TPD52L1: variants seen among roughly 807,000 people sequenced by gnomAD.
TPD52L1 encodes the protein tumor protein D53.
Under a neutral mutation model 28.7 loss-of-function variants are expected in TPD52L1, and 18 were observed. That is an observed-to-expected ratio of 0.63 (90% CI 0.43 to 0.93). TPD52L1 has a LOEUF of 0.93. Ranked by LOEUF, TPD52L1 falls within the 40% of genes least tolerant of loss-of-function variation. The pLI is 0.00. For missense variants in TPD52L1, 203 were observed against 254.8 expected (o/e 0.80, Z 1.39); for synonymous variants, 75 against 88.8 (o/e 0.84, Z 0.88).
rs1338772658 is a variant in TPD52L1, at chr6:125,261,036, GAAAGAA to G, written c.487-1796_487-1791del. 2.3e-4 allele frequency: 30 copies of G among 133,032 alleles called. 1 individual carries two copies. The highest frequency in any genetic ancestry group is 8.9e-4 in the African/African-American group (28 of 31,506). The allele number at this position is 133,032 out of a possible 1,614,324, so 8.2% of individuals were successfully genotyped here. A position where few individuals can be genotyped will look rare whatever the true frequency, so the allele number is the denominator to read the frequency against. ...AAAGAAAGAAAAGAAAAGAAAGAAAGAAAGAAAGAAAGAAAAGGGGAAGGGGAAGGG... is the reference window on the plus strand; with the variant it reads ...AAAGAAAGAAAAGAAAAGAAAGAAAGAGAAAGAAAAGGGGAAGGGGAAGGG... On this transcript the variant is annotated intron_variant, in intron 6 of 6. Transcript: ENST00000534000.
At chr6:125,175,855 G>T (rs1562222080) in intron 1 of TPD52L1, among the ~76,000 whole-genome samples, 1 of 144,698 alleles carries the variant, frequency 6.9e-6, no homozygotes, top group Non-Finnish European at 1.5e-5. Context: ...AAAGAAATAG[G>T]TATTCATTTT....
At chr6:125,207,122 G>T (rs1388187286) in intron 1 of TPD52L1, among the ~76,000 whole-genome samples, 1 of 152,158 alleles carries the variant, frequency 6.6e-6, no homozygotes, top group Non-Finnish European at 1.5e-5. Context: ...GAAAGAGTTT[G>T]GGAGACATAA....
chr6:125,209,073 A>G (rs903131191), intron 1 of TPD52L1: 26 of 504,944 alleles, frequency 5.1e-5, no homozygotes, highest in Non-Finnish European at 6.1e-5. Context: ...GATCTCTGAT[A>G]CTGGCCGCCC....
chr6:125,216,348 G>A (rs1274656607), intron 1 of TPD52L1, among the ~76,000 whole-genome samples: 2 of 151,850 alleles, frequency 1.3e-5, no homozygotes, highest in African/African-American at 2.4e-5. Flanking sequence ...ACTTAGCTAG[G>A]AGATGTTCAC....
chr6:125,205,881 G>A (rs546671712), intron 1 of TPD52L1, among the ~76,000 whole-genome samples: 30 of 152,286 alleles, frequency 2.0e-4, no homozygotes, highest in African/African-American at 7.0e-4. Context: ...GTAATAGCAC[G>A]TCACTTCCAT....
At chr6:125,163,904 G>A (rs1179480681) in intron 1 of TPD52L1, among the ~76,000 whole-genome samples, 1 of 135,446 alleles carries the variant, frequency 7.4e-6, no homozygotes, top group African/African-American at 2.9e-5. Context: ...GTGACAGAGT[G>A]ACACTCTGTC....
At chr6:125,192,400 A>C (rs1438117653) in intron 1 of TPD52L1, among the ~76,000 whole-genome samples, 2 of 151,598 alleles carry the variant, frequency 1.3e-5, no homozygotes, top group Admixed American at 6.6e-5. Flanking sequence ...TAGTCTATGC[A>C]GGGGAGGAGA....
At chr6:125,172,521 T>TATAC (rs1554202579) in intron 1 of TPD52L1, among the ~76,000 whole-genome samples, 3 of 70,984 alleles carry the variant, frequency 4.2e-5, no homozygotes, top group Non-Finnish European at 7.3e-5. Flanking sequence ...GCTATATATA[T>TATAC]ATATATATAT....
chr6:125,245,744 C>G (rs1796886754), intron 3 of TPD52L1, among the ~76,000 whole-genome samples: 1 of 152,168 alleles, frequency 6.6e-6, no homozygotes, highest in Admixed American at 6.5e-5. Context: ...TTGGCGAGGC[C>G]AGTCTCACTC....
At chr6:125,261,232 C>T (rs1798039047) in intron 6 of TPD52L1, 1 of 151,946 alleles carries the variant, frequency 6.6e-6, no homozygotes, top group Non-Finnish European at 1.5e-5. Context: ...TACAAAAATT[C>T]AATTTAATAA....
In TPD52L1 at chr6:125,263,123, T is replaced by C; in HGVS notation, c.*161T>C. ...CAGAAAGTTTAATGATTTCCATTTG[T>C]ATTTGTGTTGATGATGGACCACTTG... On this transcript the variant is annotated 3_prime_UTR_variant, in exon 7 of 7. Coordinates refer to ENST00000534000, the MANE Select transcript of TPD52L1 (RefSeq NM_003287.4). 1.2e-6 allele frequency: 1 copy of C among 851,326 alleles called. No homozygotes were observed. The highest frequency in any genetic ancestry group is 1.7e-6 in the Non-Finnish European group (1 of 573,208). The allele number at this position is 851,326 out of a possible 1,614,324, so 52.7% of individuals were successfully genotyped here. A position where few individuals can be genotyped will look rare whatever the true frequency, so the allele number is the denominator to read the frequency against.
intron 1 of TPD52L1, among the ~76,000 whole-genome samples, chr6:125,167,423 T>C (rs1374702525): frequency 6.6e-6 from 1 of 152,172 alleles, no homozygotes; most frequent in Non-Finnish European, 1.5e-5. Flanking sequence ...GTGTATCTGG[T>C]GTGGCTTCAT....
intron 2 of TPD52L1, among the ~76,000 whole-genome samples, chr6:125,226,880 C>G (rs1356669263): frequency 6.6e-6 from 1 of 152,016 alleles, no homozygotes; most frequent in Admixed American, 6.6e-5. Context: ...AGAAATATGA[C>G]ATGATAACAA....
intron 1 of TPD52L1, among the ~76,000 whole-genome samples, chr6:125,172,549 T>TACAC (rs1554202699): frequency 1.1e-5 from 1 of 92,084 alleles, no homozygotes; most frequent in African/African-American, 4.9e-5. Flanking sequence ...TATATATATA[T>TACAC]ATAATATATA....
chr6:125,193,744 G>A (rs1166956721), intron 1 of TPD52L1, among the ~76,000 whole-genome samples: 1 of 152,054 alleles, frequency 6.6e-6, no homozygotes, highest in Non-Finnish European at 1.5e-5. Flanking sequence ...GTGTATATAT[G>A]TCCTCCTCTC....
Position 125,262,864 on chromosome 6 carries a change from G to A in TPD52L1, c.517G>A (p.Gly173Ser). ...AGTAGGCGGTACGAACCCTAATGGA[G>A]GCAGTTTTGAGGAGGTCCTCAGCTC... ...TKVGGTNPNG[G>S]SFEEVLSSTA... The change falls in exon 7 of 7, where the codon GGC (glycine) becomes AGC (serine). Residue 173 changes from glycine (G) to serine (S), a missense_variant. Coordinates refer to ENST00000534000, the MANE Select transcript of TPD52L1 (RefSeq NM_003287.4). 6.2e-7 allele frequency: 1 copy of A among 1,614,198 alleles called. No homozygotes were observed. Among genetic ancestry groups the A allele is most frequent in the Non-Finnish European group, 8.5e-7 (1 of 1,180,028 alleles).
intron 1 of TPD52L1, among the ~76,000 whole-genome samples, chr6:125,172,561 A>ATATATAATATATATATATATAATATAT (rs1562215221): frequency 3.3e-5 from 3 of 90,494 alleles, no homozygotes; most frequent in African/African-American, 9.9e-5. Flanking sequence ...TAATATATAT[A>ATATATAATATATATATATATAATATAT]CTATATGGCA....
intron 1 of TPD52L1, among the ~76,000 whole-genome samples, chr6:125,163,822 C>A (rs1225512392): frequency 2.0e-5 from 3 of 147,998 alleles, no homozygotes; most frequent in Non-Finnish European, 3.0e-5. Flanking sequence ...GAGGCTGAAG[C>A]AGGAGAATCA....
chr6:125,179,409 A>C (rs1792040906), intron 1 of TPD52L1, among the ~76,000 whole-genome samples: 1 of 152,240 alleles, frequency 6.6e-6, no homozygotes, highest in Non-Finnish European at 1.5e-5. Context: ...CTGCTCAAAA[A>C]CTGGACTTCC....
Sources: allele counts gnomAD v4.1 joint callset (sites outside exome capture counted in the v4.1 genomes callset), GRCh38; gene constraint gnomAD v4.1.1; transcripts MANE v1.5; gene names NCBI Gene and HGNC (gene_info 2026-07-23, HGNC 2026-07-21).